Variants in NCAN observed in about 807,000 individuals in gnomAD.
NCAN encodes neurocan, also known as neurocan core protein.
NCAN carries 47 observed loss-of-function variants against 121.8 expected under a neutral mutation model. The observed-to-expected ratio is 0.39, with a 90% CI of 0.31 to 0.49. The LOEUF (loss-of-function observed/expected upper bound fraction) is 0.49. NCAN is among the 20% of genes least tolerant of loss of function. The probability of loss-of-function intolerance (pLI) is 0.92; values close to 1 mark genes in which losing one functional copy is unlikely to be tolerated. For missense variants in NCAN, 1,517 were observed against 1,773.4 expected (o/e 0.86, Z 2.60); for synonymous variants, 633 against 702.0 (o/e 0.90, Z 1.55).
chr19:19,224,675 C>T (rs2060828899), intron 5 of NCAN, among the ~76,000 whole-genome samples: 1 of 151,528 alleles, frequency 6.6e-6, no homozygotes, highest in African/African-American at 2.4e-5. Context: ...TGTCCCCTGC[C>T]TGCCTCCCTG....
rs764331006 is a variant in NCAN at position 19,228,330 on chromosome 19, C to G, written c.2710C>G (p.Gln904Glu). Residue 904 changes from glutamine (Q) to glutamate (E), a missense_variant, in exon 8 of 15, where the codon CAG becomes GAG. Gln to Glu is a conservative substitution (Grantham distance 29, BLOSUM62 2). Transcript: ENST00000252575. Reference protein sequence around the residue: ...SSQPHPEPEDQVETQGTSGAS... With the variant: ...SSQPHPEPEDEVETQGTSGAS... ...CCAACCCCACCCAGAGCCAGAGGAT[C>G]AGGTGGAGACCCAGGGAACATCAGG... 1 of 1,613,938 alleles carries G rather than the reference C, an allele frequency of 6.2e-7. No individual in the cohort carries two copies. The highest frequency in any genetic ancestry group is 1.1e-5 in the South Asian group (1 of 91,074).
chr19:19,235,583 A>ATT lies in NCAN; in HGVS notation c.3250+498_3250+499dup, dbSNP rs531216196. 6.3e-3 allele frequency among the ~76,000 whole-genome samples: 778 copies of ATT among 123,422 alleles called. 6 individuals carry two copies. Among genetic ancestry groups the ATT allele is most frequent in the East Asian group, 0.058 (238 of 4,074 alleles). The allele number at this position is 123,422 out of a possible 152,430, so 81.0% of individuals were successfully genotyped here. A position where few individuals can be genotyped will look rare whatever the true frequency, so the allele number is the denominator to read the frequency against. ...CACTGCGCCTGCCCTATTTTATTTT[A>ATT]TTTTTTTTTTTTGAGACAGAGTCTC... On this transcript the variant is annotated intron_variant, in intron 10 of 14. Coordinates refer to ENST00000252575, the MANE Select transcript of NCAN (RefSeq NM_004386.3).
At chr19:19,236,668 G>A (rs896663693) in intron 10 of NCAN, among the ~76,000 whole-genome samples, 5 of 150,598 alleles carry the variant, frequency 3.3e-5, no homozygotes, top group Non-Finnish European at 7.4e-5. Flanking sequence ...GGGTTCATGT[G>A]ATCCTCCTGC....
In NCAN at chr19:19,248,766, A is replaced by G. The variant is rs773856830; in HGVS notation, c.3704A>G (p.Asn1235Ser). ...SLIGARKAKY[N>S]VHATVRYQCN... ...ATCGGTGCCCGCAAGGCCAAGTACA[A>G]TGTCCATGCCACTGTAAGGTACCAG... is the stretch of plus-strand genomic sequence containing the variant. The change falls in exon 14 of 15, where the codon AAT becomes AGT. Residue 1235 changes from asparagine (N) to serine (S), a missense_variant. By Grantham distance (46) the Asn-to-Ser change is conservative (BLOSUM62 1). Coordinates refer to ENST00000252575, the MANE Select transcript of NCAN (RefSeq NM_004386.3). The G allele has an allele frequency of 3.1e-6, 5 of 1,614,024 alleles. No individual in the cohort carries two copies. The South Asian group carries it at 4.4e-5, about 14-fold the overall frequency.
chr19:19,238,236 C>A lies in NCAN; in HGVS notation c.3251-17C>A. On this transcript the variant is annotated splice_polypyrimidine_tract_variant and intron_variant, in intron 10 of 14. Transcript: ENST00000252575. ...GCCAAGGCCAGCCCCCCCTCACGCT[C>A]CTATCCCATCTCCCAGACACCGAGG... 3 of 1,613,978 alleles carry A rather than the reference C, an allele frequency of 1.9e-6. No homozygotes were observed. The South Asian group carries it at 3.3e-5, about 18-fold the overall frequency.
intron 2 of NCAN, among the ~76,000 whole-genome samples, chr19:19,217,538 G>A (rs1216779585): frequency 6.6e-6 from 1 of 152,232 alleles, no homozygotes; most frequent in African/African-American, 2.4e-5. Flanking sequence ...TAAAGTGCCT[G>A]TTACAAAGAT....
intron 1 of NCAN, among the ~76,000 whole-genome samples, chr19:19,213,293 G>A (rs2060782178): frequency 6.6e-6 from 1 of 152,090 alleles, no homozygotes; most frequent in South Asian, 2.1e-4. Flanking sequence ...GTATGCCCAG[G>A]GGTTCTAGGG....
chr19:19,235,586 T>TTA (rs1000707424), intron 10 of NCAN, among the ~76,000 whole-genome samples: 2 of 148,954 alleles, frequency 1.3e-5, no homozygotes, highest in Non-Finnish European at 3.0e-5. Flanking sequence ...TTATTTTATT[T>TTA]TTTTTTTTTG....
At chr19:19,236,535 C>A (rs949330696) in intron 10 of NCAN, among the ~76,000 whole-genome samples, 1 of 151,890 alleles carries the variant, frequency 6.6e-6, no homozygotes, top group African/African-American at 2.4e-5. Flanking sequence ...TTTCCCTCTA[C>A]TCTTTTTGGT....
Position 19,219,269 on chromosome 19 carries a change from T to C in NCAN, c.428T>C (p.Val143Ala). The C allele has an allele frequency of 6.3e-7, 1 of 1,591,636 alleles. No homozygotes were observed. Among genetic ancestry groups the C allele is most frequent in the South Asian group, 1.1e-5 (1 of 89,292 alleles). Residue 143 changes from valine to alanine, a missense_variant, in exon 3 of 15, where the codon GTG (valine) becomes GCG (alanine). Physicochemically the swap from Val to Ala is moderately conservative, Grantham distance 64. Coordinates refer to ENST00000252575, the MANE Select transcript of NCAN (RefSeq NM_004386.3). ...TCTGGGCTGTACCGCTGCCAGGTGG[T>C]GAGGGGCATCGAGGATGAGCAGGAC... ...SDSGLYRCQV[V>A]RGIEDEQDLV...
chr19:19,231,628 G>A (rs1380054332), intron 8 of NCAN, among the ~76,000 whole-genome samples: 6 of 151,960 alleles, frequency 3.9e-5, no homozygotes, highest in African/African-American at 7.2e-5. Context: ...GCACCTGGCC[G>A]GAAAACAGAG....
At chr19:19,224,889 G>A in intron 5 of NCAN, 88 bp from the exon 6 acceptor site, 1 of 1,185,510 alleles carries the variant, frequency 8.4e-7, no homozygotes, top group Non-Finnish European at 1.1e-6. Flanking sequence ...AACACGTCCA[G>A]GTCGGAACTA....
chr19:19,248,388 T>G (rs1409601941), intron 13 of NCAN, among the ~76,000 whole-genome samples: 2 of 151,946 alleles, frequency 1.3e-5, no homozygotes, highest in East Asian at 3.9e-4. Flanking sequence ...GGGGTTGCAG[T>G]GAGCCGAGAT....
At chr19:19,220,515 T>A (rs919129732) in intron 3 of NCAN, among the ~76,000 whole-genome samples, 1 of 134,372 alleles carries the variant, frequency 7.4e-6, no homozygotes, top group African/African-American at 2.8e-5. Context: ...TGGAGTGCAG[T>A]GGCATGATCT....
At position 19,225,797 on chromosome 19, in the gene NCAN, T is replaced by A. The variant is rs1244021657; in HGVS notation, c.1072+527T>A. ...AGCTGCCCCAGTCCTGGCATGGGCATACCATGCCCACGGGGCACCACCTGT... is the reference window on the plus strand; with the variant it reads ...AGCTGCCCCAGTCCTGGCATGGGCAAACCATGCCCACGGGGCACCACCTGT... On this transcript the variant is annotated intron_variant, in intron 6 of 14. Transcript: ENST00000252575. This position sits in a 1 kb window ranked among gnomAD's most constrained non-coding sequence, Gnocchi z 4.0. 6.6e-6 allele frequency among the ~76,000 whole-genome samples: 1 copy of A among 152,186 alleles called. No homozygotes were observed. The highest frequency in any genetic ancestry group is 1.5e-5 in the Non-Finnish European group (1 of 68,014).
chr19:19,224,621 T>C (rs1680847475), intron 5 of NCAN, among the ~76,000 whole-genome samples, 188 bp downstream of exon 5: 2 of 146,492 alleles, frequency 1.4e-5, no homozygotes, highest in African/African-American at 2.5e-5. Context: ...CTCCCTCCCT[T>C]TGCCCCCTTC....
In NCAN at chr19:19,248,877, C is replaced by T. The variant is rs761129840; in HGVS notation, c.3815C>T (p.Thr1272Ile). ...GKWDRPQIVC[T>I]KPRRSHRMRR... The stretch of plus-strand genomic sequence containing the variant: ...TGGGACAGGCCCCAAATTGTCTGCA[C>T]CAAACGTAAGTAGCTTCTCCCAGAG... The change falls in exon 14 of 15, where the codon ACC (threonine) becomes ATC (isoleucine). Residue 1272 changes from threonine (T) to isoleucine (I), a missense_variant. Transcript: ENST00000252575. 6 of 1,613,722 alleles carry T rather than the reference C, an allele frequency of 3.7e-6. No homozygotes were observed. The African/African-American group carries it at 8.0e-5, about 22-fold the overall frequency.
chr19:19,216,716 A>G (rs1410969447), intron 1 of NCAN, among the ~76,000 whole-genome samples: 2 of 152,330 alleles, frequency 1.3e-5, no homozygotes, highest in East Asian at 1.9e-4. Flanking sequence ...TGCTGGAACT[A>G]TAGGCGTGAG....
intron 12 of NCAN, among the ~76,000 whole-genome samples, chr19:19,244,336 T>A (rs1291376253): frequency 1.4e-5 from 2 of 142,854 alleles, no homozygotes; most frequent in African/African-American, 5.6e-5. Flanking sequence ...TGAGATAGAA[T>A]CTCACTCCAT....
Sources: gnomAD v4.1 joint callset for allele counts (sites outside exome capture counted in the v4.1 genomes callset) on GRCh38, gnomAD v4.1.1 for gene constraint, Gnocchi (gnomAD v3.1) non-coding constraint, MANE v1.5 for transcripts, NCBI Gene and HGNC (gene_info 2026-07-23, HGNC 2026-07-21) for gene names.